CHD1L: variants seen among roughly 807,000 people sequenced by gnomAD.
CHD1L encodes ATP-dependent chromatin remodeler CHD1L.
A neutral mutation model predicts 115.9 loss-of-function variants in CHD1L; 118 were observed. The observed-to-expected ratio is 1.02, with a 90% confidence interval of 0.88 to 1.19. CHD1L has a LOEUF of 1.19. CHD1L is among the 50% of genes most tolerant of loss of function. The pLI, the probability that CHD1L is intolerant of heterozygous loss-of-function variation, is 0.00. For missense variants in CHD1L, 1,179 were observed against 1,065.3 expected, an observed-to-expected ratio of 1.11 and a Z score of -1.49; for synonymous variants, 411 against 387.1, an observed-to-expected ratio of 1.06 and a Z score of -0.72.
At chr1:147,176,565 A>T in the CHD1L span, among the ~76,000 whole-genome samples, 1 of 152,240 alleles carries the variant, frequency 6.6e-6, no homozygotes, top group African/African-American at 2.4e-5. Context: ...CTAGAGGAGC[A>T]CATGCTCTGG....
intron 10 of CHD1L, 171 bp from the exon 11 acceptor site, chr1:147,270,761 T>G: frequency 1.7e-6 from 1 of 585,824 alleles, no homozygotes; most frequent in Non-Finnish European, 3.0e-6. Context: ...GGAGGTGTAT[T>G]CTCATAGAAA....
chr1:147,279,943 G>T lies in CHD1L; in HGVS notation c.1540-83G>T, dbSNP rs1316448333. On this transcript the variant is annotated intron_variant, in intron 14 of 22. Coordinates refer to ENST00000369258, the MANE Select transcript of CHD1L (RefSeq NM_004284.6). ...TTAGAGAAGGACTGTGCCTGGTGTC[G>T]TTAATCCACTTAGCCAATCACTGAT... The T allele has an allele frequency of 3.5e-6, 5 of 1,440,020 alleles. No homozygotes were observed. In the East Asian group the frequency reaches 1.2e-4, roughly 33 times the overall value. 89.2% of individuals were successfully genotyped at this position (1,440,020 alleles called of 1,614,324 possible).
Position 147,243,794 on chromosome 1 carries a change from T to C in CHD1L, c.127+964T>C, listed in dbSNP as rs587672493. On this transcript the variant is annotated intron_variant, in intron 1 of 22. Coordinates refer to ENST00000369258, the MANE Select transcript of CHD1L (RefSeq NM_004284.6). Reference sequence around the variant, plus strand: ...GAGCAAAACAAATAGGGACCCTTCCTACCTAGAGTTTTAGACTAGTGAGAG... The same window carrying C: ...GAGCAAAACAAATAGGGACCCTTCCCACCTAGAGTTTTAGACTAGTGAGAG... Among the ~76,000 whole-genome samples the C allele has an allele frequency of 3.0e-3, 458 of 151,866 alleles. 1 individual carries two copies. The highest frequency in any genetic ancestry group is 5.0e-3 in the Non-Finnish European group (341 of 67,926).
the CHD1L span, chr1:147,178,066 C>A: frequency 9.1e-7 from 1 of 1,102,746 alleles, no homozygotes; most frequent in Non-Finnish European, 1.3e-6. Context: ...CGCCGCAGTC[C>A]CAGTCGAGCC....
At chr1:147,281,710 A>C (rs1041678181) in intron 15 of CHD1L, among the ~76,000 whole-genome samples, 2 of 152,022 alleles carry the variant, frequency 1.3e-5, no homozygotes, top group African/African-American at 4.8e-5. Context: ...TGGCTTCTTA[A>C]TATGTATTCC....
At chr1:147,271,151 A>G (rs1225881032) in intron 11 of CHD1L, 146 bp downstream of exon 11, 2 of 664,624 alleles carry the variant, frequency 3.0e-6, no homozygotes, top group African/African-American at 3.6e-5. Flanking sequence ...TCAAAAGGCG[A>G]GAGGAGAGTG....
the CHD1L span, among the ~76,000 whole-genome samples, chr1:147,180,873 C>T: frequency 6.6e-6 from 1 of 152,056 alleles, no homozygotes; most frequent in Non-Finnish European, 1.5e-5. Context: ...GTCTGTGTAC[C>T]CAGAGTTTCT....
the CHD1L span, chr1:147,203,215 C>G: frequency 7.3e-4 from 655 of 899,304 alleles, 4 homozygotes; most frequent in African/African-American, 9.5e-3. Flanking sequence ...AAACATCACG[C>G]GATTCTTAGA....
At chr1:147,268,294 G>C (rs587696567) in intron 9 of CHD1L, among the ~76,000 whole-genome samples, 1 of 152,134 alleles carries the variant, frequency 6.6e-6, no homozygotes, top group Non-Finnish European at 1.5e-5. Context: ...AAGCACTCCT[G>C]TGGCCATGGA....
the CHD1L span, chr1:147,190,339 AG>A: frequency 1.2e-6 from 1 of 817,682 alleles, no homozygotes; most frequent in African/African-American, 1.7e-5. Flanking sequence ...GAGAATTCAA[AG>A]AAATACAGGG....
At chr1:147,204,010 A>T in the CHD1L span, 1 of 1,175,954 alleles carries the variant, frequency 8.5e-7, no homozygotes, top group African/African-American at 1.5e-5. Flanking sequence ...ACATCATATT[A>T]TATTTGTTTG....
intron 11 of CHD1L, among the ~76,000 whole-genome samples, chr1:147,271,346 C>T (rs1553952922): frequency 6.6e-6 from 1 of 152,172 alleles, no homozygotes; most frequent in African/African-American, 2.4e-5. Flanking sequence ...TTCACCTCAA[C>T]AGTTGAGCAC....
intron 15 of CHD1L, among the ~76,000 whole-genome samples, chr1:147,281,567 T>C (rs2102846119): frequency 6.6e-6 from 1 of 152,312 alleles, no homozygotes; most frequent in South Asian, 2.1e-4. Flanking sequence ...TTTTATGTTT[T>C]ATCTTCGAAA....
intron 1 of CHD1L, among the ~76,000 whole-genome samples, chr1:147,247,756 G>A (rs1553934480): frequency 6.6e-6 from 1 of 151,666 alleles, no homozygotes; most frequent in Admixed American, 6.6e-5. Flanking sequence ...ATTCCTTTCT[G>A]GAGGCTCTAG....
chr1:147,233,450 C>G, the CHD1L span, among the ~76,000 whole-genome samples: 1 of 125,846 alleles, frequency 7.9e-6, no homozygotes, highest in South Asian at 2.5e-4. Flanking sequence ...CCCGGCCAGC[C>G]GCCCCGTCCG....
chr1:147,257,188 G>C (rs587643162), intron 5 of CHD1L, among the ~76,000 whole-genome samples: 1 of 151,068 alleles, frequency 6.6e-6, no homozygotes, highest in Non-Finnish European at 1.5e-5. Context: ...TATGTTGACA[G>C]GGTTTCATTC....
At chr1:147,233,856 C>T in the CHD1L span, among the ~76,000 whole-genome samples, 7 of 151,788 alleles carry the variant, frequency 4.6e-5, 1 homozygote, top group East Asian at 5.9e-4. Flanking sequence ...GGGTTAAGGG[C>T]GGTGCAAGAT....
At position 147,285,457 on chromosome 1, in the gene CHD1L, G is replaced by A. The variant is rs138412639; in HGVS notation, c.1988G>A (p.Arg663Lys). ...AGGAGACTCATAGAGGAGAAGAAGAGGCAAAAGGAAGAGGCTGAACATAAG... is the reference window on the plus strand; with the variant it reads ...AGGAGACTCATAGAGGAGAAGAAGAAGCAAAAGGAAGAGGCTGAACATAAG... ...KRRRLIEEKKRQKEEAEHKKK... is the reference protein window; with the variant it reads ...KRRRLIEEKKKQKEEAEHKKK... Residue 663 changes from arginine (R) to lysine (K), a missense_variant, in exon 17 of 23, where the codon AGG becomes AAG. Physicochemically the swap from Arg to Lys is conservative, Grantham distance 26 (BLOSUM62 2). Transcript: ENST00000369258. The A allele has an allele frequency of 1.1e-4, 182 of 1,612,884 alleles. No individual in the cohort carries two copies. In the African/African-American group the frequency reaches 2.3e-3, roughly 20 times the overall value.
In CHD1L at chr1:147,264,589, G is replaced by C. The variant is rs1553946692; in HGVS notation, c.739+5G>C. 1 of 1,611,874 alleles carries C rather than the reference G, an allele frequency of 6.2e-7. No individual in the cohort carries two copies. The highest frequency in any genetic ancestry group is 1.7e-5 in the Admixed American group (1 of 59,600). On this transcript the variant is annotated splice_donor_5th_base_variant and intron_variant, in intron 7 of 22. Coordinates refer to ENST00000369258, the MANE Select transcript of CHD1L (RefSeq NM_004284.6). ...TTGAGAAAGAATCTGAGTCAGGCAA[G>C]TTCCTTTCCTGCAAATCATCCCCAA... is the stretch of plus-strand genomic sequence containing the variant.
Sources: allele counts gnomAD v4.1 joint callset (sites outside exome capture counted in the v4.1 genomes callset), GRCh38; gene constraint gnomAD v4.1.1; transcripts MANE v1.5; gene names NCBI Gene and HGNC (gene_info 2026-07-23, HGNC 2026-07-21).